Variants in SLC44A5 observed in about 807,000 individuals in gnomAD.
The protein encoded by SLC44A5 is choline transporter-like protein 5.
SLC44A5 carries 57 observed loss-of-function variants against 101.8 expected under a neutral mutation model. The ratio of observed to expected loss-of-function variants is 0.56; its 90% CI spans 0.45 to 0.70. The LOEUF (loss-of-function observed/expected upper bound fraction) is 0.70. Among genes scored for constraint, SLC44A5 ranks in the 30% least tolerant of loss-of-function variants. The pLI is 0.00. For synonymous variants in SLC44A5, 281 were observed against 290.9 expected, an observed-to-expected ratio of 0.97 and a Z score of 0.35; for missense variants, 737 against 853.1, an observed-to-expected ratio of 0.86 and a Z score of 1.70.
intron 13 of SLC44A5, 133 bp from the exon 14 acceptor site, chr1:75,222,593 C>A: frequency 1.7e-6 from 1 of 574,690 alleles, no homozygotes; most frequent in Non-Finnish European, 3.1e-6. Flanking sequence ...GAAGTGTTAT[C>A]TCTCCAAAAA....
At chr1:75,678,235 A>G in the SLC44A5 span, among the ~76,000 whole-genome samples, 1 of 152,160 alleles carries the variant, frequency 6.6e-6, no homozygotes. Flanking sequence ...AGCAGCAGGG[A>G]AGCTCGAACT....
At chr1:75,261,518 C>G (rs1384436996) in intron 6 of SLC44A5, among the ~76,000 whole-genome samples, 3 of 152,120 alleles carry the variant, frequency 2.0e-5, no homozygotes, top group Non-Finnish European at 2.9e-5. Flanking sequence ...GAAATTGAGG[C>G]AGCAATTAAT....
chr1:75,418,027 T>C (rs1246919738), intron 2 of SLC44A5, among the ~76,000 whole-genome samples: 1 of 152,246 alleles, frequency 6.6e-6, no homozygotes, highest in Non-Finnish European at 1.5e-5. Context: ...CATTGCCTTT[T>C]GCTTTTACCC....
At chr1:75,521,970 T>G (rs1670154070) in intron 2 of SLC44A5, 1 of 152,272 alleles carries the variant, frequency 6.6e-6, no homozygotes, top group Non-Finnish European at 1.5e-5. Context: ...GAAAAAGACA[T>G]ACTCTGAAGA....
intron 5 of SLC44A5, among the ~76,000 whole-genome samples, chr1:75,276,940 T>G (rs1189316202): frequency 6.6e-6 from 1 of 152,198 alleles, no homozygotes; most frequent in Admixed American, 6.5e-5. Context: ...CCACCACAGC[T>G]GCAAAACAAC....
At chr1:75,611,750 C>A (rs903281268), upstream of SLC44A5, among the ~76,000 whole-genome samples, 6 of 152,140 alleles carry the variant, frequency 3.9e-5, no homozygotes, top group African/African-American at 1.4e-4. Flanking sequence ...TCTCTTGGAA[C>A]ATGCTCATAT....
At chr1:75,348,171 T>C (rs1658392982) in intron 3 of SLC44A5, among the ~76,000 whole-genome samples, 1 of 152,058 alleles carries the variant, frequency 6.6e-6, no homozygotes, top group Non-Finnish European at 1.5e-5. Flanking sequence ...TTTCTCTCTC[T>C]CTCTCTCTGT....
intron 1 of SLC44A5, among the ~76,000 whole-genome samples, chr1:75,585,139 T>C (rs528190108): frequency 6.6e-6 from 1 of 152,344 alleles, no homozygotes; most frequent in South Asian, 2.1e-4. Context: ...TTTTCTAATT[T>C]GTAAAACAGC....
chr1:75,474,651 G>A (rs907278485), intron 2 of SLC44A5, among the ~76,000 whole-genome samples: 1 of 151,948 alleles, frequency 6.6e-6, no homozygotes, highest in Non-Finnish European at 1.5e-5. Flanking sequence ...TTTCTTTGTG[G>A]GGCATAGAAT....
At chr1:75,285,532 T>C (rs971967092) in intron 5 of SLC44A5, among the ~76,000 whole-genome samples, 4 of 152,084 alleles carry the variant, frequency 2.6e-5, no homozygotes, top group African/African-American at 9.7e-5. Context: ...TTTGTTCTTG[T>C]TTCTCTGGTT....
intron 7 of SLC44A5, among the ~76,000 whole-genome samples, chr1:75,245,783 A>G (rs1057231199): frequency 6.6e-6 from 1 of 152,164 alleles, no homozygotes; most frequent in African/African-American, 2.4e-5. Context: ...CTGTTAAAAA[A>G]CAATACAACT....
intron 13 of SLC44A5, among the ~76,000 whole-genome samples, 188 bp downstream of exon 13, chr1:75,227,538 G>A (rs991175286): frequency 3.3e-5 from 5 of 152,078 alleles, no homozygotes. Context: ...CATTTTCTTA[G>A]ATTATACAAT....
At chr1:75,504,016 T>A (rs1669112031) in intron 2 of SLC44A5, among the ~76,000 whole-genome samples, 1 of 152,208 alleles carries the variant, frequency 6.6e-6, no homozygotes, top group Non-Finnish European at 1.5e-5. Flanking sequence ...GGATTTTTTT[T>A]ACTAATCTTT....
intron 2 of SLC44A5, among the ~76,000 whole-genome samples, chr1:75,407,311 T>A (rs1557753429): frequency 6.6e-6 from 1 of 151,990 alleles, no homozygotes; most frequent in Non-Finnish European, 1.5e-5. Flanking sequence ...TTCAATGCCA[T>A]CCCCATCAAG....
At chr1:75,666,110 C>T in the SLC44A5 span, among the ~76,000 whole-genome samples, 1 of 152,096 alleles carries the variant, frequency 6.6e-6, no homozygotes, top group Non-Finnish European at 1.5e-5. Flanking sequence ...ACCAGCAATC[C>T]CATTACTTGG....
At chr1:75,279,488 C>A (rs765673242) in intron 5 of SLC44A5, among the ~76,000 whole-genome samples, 3 of 152,102 alleles carry the variant, frequency 2.0e-5, no homozygotes, top group Non-Finnish European at 4.4e-5. Context: ...CAGAACCACC[C>A]AACCAAGCTG....
At chr1:75,593,852 G>A (rs1198856185) in intron 1 of SLC44A5, among the ~76,000 whole-genome samples, 1 of 152,006 alleles carries the variant, frequency 6.6e-6, no homozygotes, top group Non-Finnish European at 1.5e-5. Context: ...GTCAGGGGAT[G>A]GAGGGAAGAG....
At chr1:75,573,171 G>A (rs1179635554) in intron 1 of SLC44A5, among the ~76,000 whole-genome samples, 3 of 120,286 alleles carry the variant, frequency 2.5e-5, no homozygotes, top group Non-Finnish European at 1.7e-5. Context: ...AGTATATAAA[G>A]GTACTAAAGC....
intron 7 of SLC44A5, among the ~76,000 whole-genome samples, chr1:75,243,740 C>A (rs2100613256): frequency 6.6e-6 from 1 of 152,090 alleles, no homozygotes; most frequent in East Asian, 1.9e-4. Flanking sequence ...TCCCCACATA[C>A]CTCATGTTGA....
Sources: gnomAD v4.1 joint callset for allele counts (sites outside exome capture counted in the v4.1 genomes callset) on GRCh38, gnomAD v4.1.1 for gene constraint, MANE v1.5 for transcripts, NCBI Gene and HGNC (gene_info 2026-07-23, HGNC 2026-07-21) for gene names.